CNR1: variants seen among roughly 807,000 people sequenced by gnomAD.
CNR1 encodes the protein cannabinoid receptor 1, also known as cannabinoid receptor 1 (brain).
Under a neutral mutation model 23.0 loss-of-function variants are expected in CNR1, and 10 were observed. The ratio of observed to expected loss-of-function variants is 0.43; its 90% CI spans 0.27 to 0.74. CNR1 has a LOEUF of 0.74. Among genes scored for constraint, CNR1 ranks in the 30% least tolerant of loss-of-function variants. The pLI is 0.19. For synonymous variants in CNR1, 271 were observed against 255.2 expected (o/e 1.06, Z -0.59); for missense variants, 422 against 618.8 (o/e 0.68, Z 3.37).
intron 1 of CNR1, among the ~76,000 whole-genome samples, chr6:88,156,315 C>G (rs931919753): frequency 2.0e-5 from 3 of 152,112 alleles, no homozygotes; most frequent in African/African-American, 7.2e-5. Context: ...GGATTGTGGA[C>G]ATTATATTCC....
chr6:88,165,331 T>C (rs537395887), intron 1 of CNR1, among the ~76,000 whole-genome samples: 2 of 152,352 alleles, frequency 1.3e-5, no homozygotes, highest in South Asian at 4.1e-4. Context: ...TGGACATTTG[T>C]TTTTCCTCAA....
At chr6:88,149,551 C>G (rs1034822794) in intron 1 of CNR1, among the ~76,000 whole-genome samples, 2 of 152,214 alleles carry the variant, frequency 1.3e-5, no homozygotes, top group African/African-American at 4.8e-5. Flanking sequence ...CCTTGCACAT[C>G]CACAAACCTA....
chr6:88,147,408 G>A (rs1777260435), intron 1 of CNR1, among the ~76,000 whole-genome samples: 1 of 152,174 alleles, frequency 6.6e-6, no homozygotes, highest in Non-Finnish European at 1.5e-5. Context: ...CTACAATTGG[G>A]GACGTACAGG....
At position 88,141,375 on chromosome 6, in the gene CNR1, A is replaced by C. The variant is rs1034724403; in HGVS notation, c.*2481T>G. The C allele has an allele frequency of 6.5e-6, 1 of 152,758 alleles. No homozygotes were observed. Among genetic ancestry groups the C allele is most frequent in the Non-Finnish European group, 1.5e-5 (1 of 68,048 alleles). 9.5% of individuals were successfully genotyped at this position (152,758 alleles called of 1,614,324 possible). A position where few individuals can be genotyped will look rare whatever the true frequency, so the allele number is the denominator to read the frequency against. ...AGTGCTGTCAGCCCCATTGTCCCTT[A>C]ATTTATTATATATGATTTAGATCTT... On this transcript the variant is annotated 3_prime_UTR_variant, in exon 2 of 2. Coordinates refer to ENST00000369501, the MANE Select transcript of CNR1 (RefSeq NM_016083.6).
intron 1 of CNR1, among the ~76,000 whole-genome samples, chr6:88,145,866 G>C (rs984142145): frequency 6.6e-6 from 1 of 152,146 alleles, no homozygotes; most frequent in African/African-American, 2.4e-5. Flanking sequence ...ATCAAGTGAT[G>C]AGTTGTGTGG....
chr6:88,143,703 C>T lies in CNR1; in HGVS notation c.*153G>A. On this transcript the variant is annotated 3_prime_UTR_variant, in exon 2 of 2. Transcript: ENST00000369501. The stretch of plus-strand genomic sequence containing the variant: ...AGTTTGAGTACCTAAACTATGGAAA[C>T]ATTAGCAAACTGATAAGTGATCATG... 1 of 652,986 alleles carries T rather than the reference C, an allele frequency of 1.5e-6. No individual in the cohort carries two copies. The highest frequency in any genetic ancestry group is 2.7e-6 in the Non-Finnish European group (1 of 373,456). 40.4% of individuals were successfully genotyped at this position (652,986 alleles called of 1,614,324 possible).
chr6:88,144,233 T>G lies in CNR1; in HGVS notation c.1042A>C (p.Ile348Leu). Residue 348 changes from isoleucine (I) to leucine (L), a missense_variant, in exon 2 of 2, where the codon ATC (isoleucine) becomes CTC (leucine). Around this residue, in one of 4 missense-constraint regions of CNR1, gnomAD observed 211 missense variants for 357.3 expected, o/e 0.59. Coordinates refer to ENST00000369501, the MANE Select transcript of CNR1 (RefSeq NM_016083.6). This position sits in a 1 kb window ranked among gnomAD's most constrained non-coding sequence, Gnocchi z 7.8. ...CAGCAGATGATCAACACCACCAGGA[T>G]CAGGACCAGGGTCTTGGCTAACCTA... Reference protein sequence around the residue: ...DIRLAKTLVLILVVLIICWGP... With the variant: ...DIRLAKTLVLLLVVLIICWGP... 6.2e-7 allele frequency: 1 copy of G among 1,611,592 alleles called. No individual in the cohort carries two copies. The highest frequency in any genetic ancestry group is 8.5e-7 in the Non-Finnish European group (1 of 1,179,966).
chr6:88,153,115 C>A (rs1001835424), intron 1 of CNR1, among the ~76,000 whole-genome samples: 17 of 151,932 alleles, frequency 1.1e-4, no homozygotes, highest in Admixed American at 4.6e-4. Flanking sequence ...GTATTAAATC[C>A]ATTATTTTTA....
Position 88,144,036 on chromosome 6 carries a change from G to A in CNR1, c.1239C>T (p.Pro413=), listed in dbSNP as rs2127826283. Residue 413 remains proline, a synonymous_variant, in exon 2 of 2, where the codon CCC becomes CCT. Transcript: ENST00000369501. This position sits in a 1 kb window ranked among gnomAD's most constrained non-coding sequence, Gnocchi z 7.8. ...DLRHAFRSMF[P]SCEGTAQPLD... Reference sequence around the variant, plus strand: ...GAGGCTGCGCAGTGCCTTCACAAGAGGGAAACATGCTCCGGAAAGCGTGTC... The same window carrying A: ...GAGGCTGCGCAGTGCCTTCACAAGAAGGAAACATGCTCCGGAAAGCGTGTC... The A allele has an allele frequency of 6.2e-7, 1 of 1,614,102 alleles. No individual in the cohort carries two copies. The highest frequency in any genetic ancestry group is 2.2e-5 in the East Asian group (1 of 44,880).
rs1004049036 is a variant in CNR1, at chr6:88,144,984, C to A, written c.291G>T (p.Gln97His). 5.6e-6 allele frequency: 9 copies of A among 1,614,086 alleles called. No homozygotes were observed. Among genetic ancestry groups the A allele is most frequent in the Non-Finnish European group, 7.6e-6 (9 of 1,180,036 alleles). Reference sequence around the variant, plus strand: ...CTATGTCCATGAAGTTCTCCCCACACTGGATGTTCTCCTCATTCTCCTTGA... The same window carrying A: ...CTATGTCCATGAAGTTCTCCCCACAATGGATGTTCTCCTCATTCTCCTTGA... Reference protein sequence around the residue: ...SSFKENEENIQCGENFMDIEC... With the variant: ...SSFKENEENIHCGENFMDIEC... The change falls in exon 2 of 2, where the codon CAG becomes CAT. Residue 97 changes from glutamine (Q) to histidine (H), a missense_variant. Around this residue, in one of 4 missense-constraint regions of CNR1, gnomAD observed 120 missense variants for 117.6 expected, o/e 1.02. Coordinates refer to ENST00000369501, the MANE Select transcript of CNR1 (RefSeq NM_016083.6). The surrounding 1 kb of genome is among the most constrained non-coding windows in gnomAD (Gnocchi z 7.8).
At chr6:88,163,820 CA>C (rs1778230217) in intron 1 of CNR1, among the ~76,000 whole-genome samples, 1 of 152,018 alleles carries the variant, frequency 6.6e-6, no homozygotes, top group Non-Finnish European at 1.5e-5. Flanking sequence ...TTTGAAATGC[CA>C]AAAAGAACAC....
Position 88,144,180 on chromosome 6 carries a change from A to G in CNR1, c.1095T>C (p.Tyr365=). ...GCTTGTTCATCTTCCCAAAGACATC[A>G]TACACCATGATTGCAAGCAGAGGGC... ...CWGPLLAIMV[Y]DVFGKMNKLI... The change falls in exon 2 of 2, where the codon TAT becomes TAC. Residue 365 remains tyrosine, a synonymous_variant. Transcript: ENST00000369501. The surrounding 1 kb of genome is among the most constrained non-coding windows in gnomAD (Gnocchi z 7.8). 1 of 1,613,704 alleles carries G rather than the reference A, an allele frequency of 6.2e-7. No individual in the cohort carries two copies. Among genetic ancestry groups the G allele is most frequent in the Non-Finnish European group, 8.5e-7 (1 of 1,180,000 alleles).
At position 88,165,956 on chromosome 6, in the gene CNR1, G is replaced by C. The variant is rs1290865136; in HGVS notation, c.-217C>G. The C allele has an allele frequency of 6.5e-6, 1 of 153,030 alleles. No homozygotes were observed. The highest frequency in any genetic ancestry group is 1.9e-4 in the East Asian group (1 of 5,258). The allele number at this position is 153,030 out of a possible 1,614,324, so 9.5% of individuals were successfully genotyped here. A position where few individuals can be genotyped will look rare whatever the true frequency, so the allele number is the denominator to read the frequency against. Reference sequence around the variant, plus strand: ...CCGCCCGGGCCAAGGGAAGGCGCTGGCGCCGCGGGAGACAAGAAGAGGCGG... The same window carrying C: ...CCGCCCGGGCCAAGGGAAGGCGCTGCCGCCGCGGGAGACAAGAAGAGGCGG... On this transcript the variant is annotated 5_prime_UTR_variant, in exon 1 of 2. Transcript: ENST00000369501.
upstream of CNR1, among the ~76,000 whole-genome samples, chr6:88,167,331 C>T (rs1778407255): frequency 6.6e-6 from 1 of 152,218 alleles, no homozygotes; most frequent in Non-Finnish European, 1.5e-5. Context: ...TTAATTGTTT[C>T]CACTATCAGC....
At chr6:88,153,344 G>A (rs557735829) in intron 1 of CNR1, among the ~76,000 whole-genome samples, 1 of 151,966 alleles carries the variant, frequency 6.6e-6, no homozygotes, top group African/African-American at 2.4e-5. Flanking sequence ...AACCACAAAG[G>A]GTTTAAAATG....
At position 88,142,650 on chromosome 6, in the gene CNR1, A is replaced by G. The variant is rs1310641857; in HGVS notation, c.*1206T>C. 2 of 152,604 alleles carry G rather than the reference A, an allele frequency of 1.3e-5. No homozygotes were observed. Among genetic ancestry groups the G allele is most frequent in the Non-Finnish European group, 2.9e-5 (2 of 68,032 alleles). The allele number at this position is 152,604 out of a possible 1,614,324, so 9.5% of individuals were successfully genotyped here. A position where few individuals can be genotyped will look rare whatever the true frequency, so the allele number is the denominator to read the frequency against. ...TCAACAAGATTACAGGAAGAACTCA[A>G]TTTTAGAAACTGAATCCATGTGCAA... On this transcript the variant is annotated 3_prime_UTR_variant, in exon 2 of 2. Transcript: ENST00000369501.
At chr6:88,158,103 T>C (rs1196235393) in intron 1 of CNR1, among the ~76,000 whole-genome samples, 2 of 152,200 alleles carry the variant, frequency 1.3e-5, no homozygotes, top group African/African-American at 4.8e-5. Flanking sequence ...CAGAAAAATA[T>C]GCTTTCAAGA....
intron 1 of CNR1, among the ~76,000 whole-genome samples, chr6:88,149,167 T>C (rs1032883167): frequency 6.6e-6 from 1 of 152,134 alleles, no homozygotes; most frequent in Non-Finnish European, 1.5e-5. Flanking sequence ...CTAGTGGCTA[T>C]AGAAATAAAG....
chr6:88,166,545 G>A (rs968610300), upstream of CNR1, among the ~76,000 whole-genome samples: 15 of 152,108 alleles, frequency 9.9e-5, no homozygotes, highest in South Asian at 4.1e-4. Flanking sequence ...GGGGCCAGAG[G>A]GGACAAGCCT....
Sources: allele counts gnomAD v4.1 joint callset (sites outside exome capture counted in the v4.1 genomes callset), GRCh38; gene constraint gnomAD v4.1.1; regional missense constraint gnomAD v4.1.1; non-coding constraint Gnocchi (gnomAD v3.1); transcripts MANE v1.5; gene names NCBI Gene and HGNC (gene_info 2026-07-23, HGNC 2026-07-21).